MVB12B: variants seen among roughly 807,000 people sequenced by gnomAD.
The protein encoded by MVB12B is multivesicular body subunit 12B.
In MVB12B, 16 loss-of-function variants were observed where a neutral mutation model predicts 41.6. The observed-to-expected ratio is 0.38, with a 90% confidence interval of 0.26 to 0.58. MVB12B has a LOEUF of 0.58. MVB12B is among the 20% of genes least tolerant of loss of function. The pLI, the probability that MVB12B is intolerant of heterozygous loss-of-function variation, is 0.62. For synonymous variants in MVB12B, 133 were observed against 139.7 expected (o/e 0.95, Z 0.34); for missense variants, 274 against 380.2 (o/e 0.72, Z 2.32).
intron 2 of MVB12B, among the ~76,000 whole-genome samples, chr9:126,347,752 CAT>C (rs34098527): frequency 0.017 from 2,547 of 152,328 alleles, 27 homozygotes; most frequent in South Asian, 0.025. Context: ...TTATGAAAAA[CAT>C]GTGAAGATGG....
At chr9:126,500,852 C>T (rs377006309) in intron 9 of MVB12B, among the ~76,000 whole-genome samples, 2 of 152,254 alleles carry the variant, frequency 1.3e-5, no homozygotes, top group Non-Finnish European at 2.9e-5. Context: ...CCCTGCCCCG[C>T]GAAGCCCTCC....
chr9:126,498,047 C>T (rs183505689), intron 9 of MVB12B, among the ~76,000 whole-genome samples: 12 of 152,006 alleles, frequency 7.9e-5, no homozygotes, highest in Admixed American at 3.9e-4. Flanking sequence ...CTTCAGGCCT[C>T]GCCATATGAC....
intron 6 of MVB12B, among the ~76,000 whole-genome samples, chr9:126,421,428 G>A (rs1832014796): frequency 1.3e-5 from 2 of 152,234 alleles, no homozygotes; most frequent in Non-Finnish European, 2.9e-5. Context: ...ATCCTCAGCA[G>A]CCCTGCGGTG....
intron 2 of MVB12B, among the ~76,000 whole-genome samples, chr9:126,359,954 T>A (rs574107713): frequency 2.6e-4 from 40 of 152,290 alleles, no homozygotes; most frequent in African/African-American, 9.1e-4. Flanking sequence ...GTTCACTTTT[T>A]AAAATTTTTT....
chr9:126,466,631 G>A (rs1236977458), intron 7 of MVB12B, among the ~76,000 whole-genome samples: 1 of 152,106 alleles, frequency 6.6e-6, no homozygotes, highest in Non-Finnish European at 1.5e-5. Flanking sequence ...GCCAGGAGTT[G>A]TTAAGGAGGA....
chr9:126,438,181 G>A (rs910548495), intron 7 of MVB12B, among the ~76,000 whole-genome samples: 2 of 152,158 alleles, frequency 1.3e-5, no homozygotes, highest in Non-Finnish European at 2.9e-5. Context: ...ATGGAAATAG[G>A]CTTGTTGCTG....
chr9:126,455,402 G>C (rs1832962106), intron 7 of MVB12B, among the ~76,000 whole-genome samples: 1 of 151,864 alleles, frequency 6.6e-6, no homozygotes, highest in South Asian at 2.1e-4. Flanking sequence ...TGGCCAGGAT[G>C]GTCTCGATCG....
intron 7 of MVB12B, among the ~76,000 whole-genome samples, chr9:126,428,566 G>A (rs1332222522): frequency 2.0e-5 from 3 of 152,148 alleles, no homozygotes; most frequent in Non-Finnish European, 2.9e-5. Context: ...AGGAAGCACT[G>A]CAGGGTTGGG....
chr9:126,406,310 C>T (rs1228294465), intron 6 of MVB12B, among the ~76,000 whole-genome samples: 1 of 152,236 alleles, frequency 6.6e-6, no homozygotes, highest in Non-Finnish European at 1.5e-5. Flanking sequence ...CCACATTCCA[C>T]CTCCTCTTCA....
intron 7 of MVB12B, among the ~76,000 whole-genome samples, chr9:126,429,490 T>G (rs1001722331): frequency 7.2e-5 from 11 of 152,182 alleles, no homozygotes; most frequent in Middle Eastern, 3.2e-3. Flanking sequence ...AAAAAGCCTG[T>G]GTTTAGATGG....
intron 7 of MVB12B, among the ~76,000 whole-genome samples, chr9:126,428,278 T>C (rs1409365216): frequency 1.3e-5 from 2 of 152,196 alleles, no homozygotes; most frequent in South Asian, 2.1e-4. Flanking sequence ...CTAGTCCTCA[T>C]TTAAATTGGA....
intron 7 of MVB12B, among the ~76,000 whole-genome samples, chr9:126,429,361 AG>A (rs1832270706): frequency 6.6e-6 from 1 of 152,216 alleles, no homozygotes; most frequent in African/African-American, 2.4e-5. Flanking sequence ...TGCGGCTGAC[AG>A]GTGGCCAGGT....
intron 7 of MVB12B, among the ~76,000 whole-genome samples, chr9:126,424,926 G>A (rs1040564962): frequency 3.3e-5 from 5 of 152,256 alleles, no homozygotes; most frequent in African/African-American, 1.2e-4. Context: ...CAAGTCAGGG[G>A]TGGGAGGTGG....
intron 9 of MVB12B, among the ~76,000 whole-genome samples, chr9:126,498,438 T>C (rs1833884205): frequency 1.3e-5 from 2 of 152,182 alleles, no homozygotes; most frequent in South Asian, 4.1e-4. Flanking sequence ...TTTGGTTCCC[T>C]CCCACCTGTC....
At chr9:126,467,008 T>G (rs1234013241) in intron 7 of MVB12B, among the ~76,000 whole-genome samples, 1 of 152,034 alleles carries the variant, frequency 6.6e-6, no homozygotes, top group African/African-American at 2.4e-5. Flanking sequence ...TTGGATTTTT[T>G]TTTTTAGTAG....
intron 2 of MVB12B, among the ~76,000 whole-genome samples, chr9:126,380,462 A>C (rs2118960052): frequency 6.6e-6 from 1 of 152,302 alleles, no homozygotes; most frequent in East Asian, 1.9e-4. Context: ...GAAACAAGGA[A>C]CCGAGTGAGT....
chr9:126,496,231 A>G (rs989833574), intron 9 of MVB12B, among the ~76,000 whole-genome samples: 6 of 54,746 alleles, frequency 1.1e-4, no homozygotes, highest in Non-Finnish European at 2.1e-4. Context: ...CCACCCATCC[A>G]TACACCCACT....
rs575103603 is a variant in MVB12B at position 126,327,372 on chromosome 9, A to G, written c.81+362A>G. 7.2e-5 allele frequency: 70 copies of G among 972,636 alleles called. No individual in the cohort carries two copies. In the South Asian group the frequency reaches 1.2e-3, roughly 17 times the overall value. 60.3% of individuals were successfully genotyped at this position (972,636 alleles called of 1,614,324 possible). Reference sequence around the variant, plus strand: ...CCTGGGCACAGACTGGGAACAGTCAATCGTTTGACCGGCCTGGCCTGGGGT... The same window carrying G: ...CCTGGGCACAGACTGGGAACAGTCAGTCGTTTGACCGGCCTGGCCTGGGGT... On this transcript the variant is annotated intron_variant, in intron 1 of 9. Coordinates refer to ENST00000361171, the MANE Select transcript of MVB12B (RefSeq NM_033446.3).
rs1588120815 is a variant in MVB12B at position 126,376,640 on chromosome 9, T to C, written c.205-4424T>C. The C allele has an allele frequency of 7.8e-7, 1 of 1,288,488 alleles. No homozygotes were observed. Among genetic ancestry groups the C allele is most frequent in the South Asian group, 1.2e-5 (1 of 80,944 alleles). The allele number at this position is 1,288,488 out of a possible 1,614,324, so 79.8% of individuals were successfully genotyped here. A position where few individuals can be genotyped will look rare whatever the true frequency, so the allele number is the denominator to read the frequency against. On this transcript the variant is annotated intron_variant, in intron 2 of 9. Coordinates refer to ENST00000361171, the MANE Select transcript of MVB12B (RefSeq NM_033446.3). This position sits in a 1 kb window ranked among gnomAD's most constrained non-coding sequence, Gnocchi z 4.1. ...AAGCAAGAAGGAGGGTAAGCGCGGGTGGCAGGGAGGGGCCTGCCATTGCCA... is the reference window on the plus strand; with the variant it reads ...AAGCAAGAAGGAGGGTAAGCGCGGGCGGCAGGGAGGGGCCTGCCATTGCCA...
Sources: allele counts gnomAD v4.1 joint callset (sites outside exome capture counted in the v4.1 genomes callset), GRCh38; gene constraint gnomAD v4.1.1; non-coding constraint Gnocchi (gnomAD v3.1); transcripts MANE v1.5; gene names NCBI Gene and HGNC (gene_info 2026-07-23, HGNC 2026-07-21).